PLCB1: variants seen among roughly 807,000 people sequenced by gnomAD.
PLCB1 encodes the protein phospholipase C beta 1.
PLCB1 carries 46 observed loss-of-function variants against 161.8 expected under a neutral mutation model. That is an observed-to-expected ratio of 0.28 (90% confidence interval 0.22 to 0.36). The LOEUF (loss-of-function observed/expected upper bound fraction) is 0.36. Among genes scored for constraint, PLCB1 ranks in the 10% least tolerant of loss-of-function variants. PLCB1 has a pLI of 1.00. For synonymous variants in PLCB1, 517 were observed against 503.7 expected (o/e 1.03, Z -0.35); for missense variants, 1,016 against 1,472.5 (o/e 0.69, Z 5.07).
At position 8,132,287 on chromosome 20, in the gene PLCB1, A is replaced by G. The variant is rs886588203; in HGVS notation, c.-365A>G. The G allele has an allele frequency of 2.4e-5, 4 of 166,704 alleles. No individual in the cohort carries two copies. Among genetic ancestry groups the G allele is most frequent in the Non-Finnish European group, 5.1e-5 (4 of 77,988 alleles). The allele number at this position is 166,704 out of a possible 1,614,324, so 10.3% of individuals were successfully genotyped here. ...TGTCACTCGCTCTCTCCCTCTGTGT[A>G]TAGAGGATGTGCTGAATGGTGCGCT... On this transcript the variant is annotated 5_prime_UTR_variant, in exon 1 of 32. Transcript: ENST00000338037. This position sits in a 1 kb window ranked among gnomAD's most constrained non-coding sequence, Gnocchi z 5.2.
At chr20:8,397,037 C>T (rs750955752) in intron 3 of PLCB1, among the ~76,000 whole-genome samples, 80 of 152,024 alleles carry the variant, frequency 5.3e-4, no homozygotes, top group Non-Finnish European at 7.9e-4. Context: ...AGTGAGATTA[C>T]AGATCCAAAT....
At chr20:8,338,932 T>A (rs1985693612) in intron 2 of PLCB1, among the ~76,000 whole-genome samples, 1 of 152,236 alleles carries the variant, frequency 6.6e-6, no homozygotes, top group African/African-American at 2.4e-5. Flanking sequence ...GCTTCTTTCG[T>A]GCAATGTAAT....
intron 2 of PLCB1, among the ~76,000 whole-genome samples, chr20:8,270,306 C>T (rs1474851338): frequency 6.6e-6 from 1 of 152,086 alleles, no homozygotes; most frequent in Non-Finnish European, 1.5e-5. Flanking sequence ...TTGCTAAGTA[C>T]ACAGTGTATT....
intron 2 of PLCB1, among the ~76,000 whole-genome samples, chr20:8,365,422 G>A (rs1986677643): frequency 6.6e-6 from 1 of 152,010 alleles, no homozygotes; most frequent in Admixed American, 6.6e-5. Context: ...TCTTACTGTG[G>A]GTCTCCACTG....
chr20:8,736,058 T>C (rs1016390910), intron 19 of PLCB1, among the ~76,000 whole-genome samples: 1 of 152,236 alleles, frequency 6.6e-6, no homozygotes, highest in South Asian at 2.1e-4. Flanking sequence ...GCCATAATGC[T>C]GTCCCCTTTT....
intron 23 of PLCB1, among the ~76,000 whole-genome samples, chr20:8,749,229 A>G (rs1455014296): frequency 6.6e-6 from 1 of 152,190 alleles, no homozygotes; most frequent in Non-Finnish European, 1.5e-5. Flanking sequence ...TTGCATCTCT[A>G]ACAATCTGCA....
chr20:8,483,898 A>G (rs890539861), intron 3 of PLCB1, among the ~76,000 whole-genome samples: 2 of 152,226 alleles, frequency 1.3e-5, no homozygotes, highest in African/African-American at 2.4e-5. Flanking sequence ...ATAGAAATAA[A>G]TTAGAAAATT....
chr20:8,609,485 G>A (rs1987845626), intron 3 of PLCB1, among the ~76,000 whole-genome samples: 1 of 152,174 alleles, frequency 6.6e-6, no homozygotes, highest in Non-Finnish European at 1.5e-5. Context: ...TGTTATGACT[G>A]CTGGCTCCAA....
chr20:8,363,657 A>T (rs1986614705), intron 2 of PLCB1, among the ~76,000 whole-genome samples: 1 of 152,136 alleles, frequency 6.6e-6, no homozygotes, highest in Non-Finnish European at 1.5e-5. Context: ...TGGTTAGAAG[A>T]CAGCTGCAGG....
chr20:8,190,432 G>A (rs1188006169), intron 2 of PLCB1, among the ~76,000 whole-genome samples: 1 of 152,066 alleles, frequency 6.6e-6, no homozygotes, highest in Admixed American at 6.6e-5. Flanking sequence ...TTTAAAGTTT[G>A]AAATGCCTTA....
chr20:8,150,830 A>C (rs2051501734), intron 2 of PLCB1, among the ~76,000 whole-genome samples: 1 of 152,180 alleles, frequency 6.6e-6, no homozygotes. Flanking sequence ...TTTGGCCCTG[A>C]TAATTTGTTG....
chr20:8,139,283 C>A (rs144469034), intron 1 of PLCB1, among the ~76,000 whole-genome samples: 4 of 151,572 alleles, frequency 2.6e-5, no homozygotes, highest in Non-Finnish European at 5.9e-5. Context: ...TTAGTAGAGA[C>A]GGGGGTTTTG....
At chr20:8,166,314 A>G (rs1181174873) in intron 2 of PLCB1, among the ~76,000 whole-genome samples, 2 of 152,188 alleles carry the variant, frequency 1.3e-5, no homozygotes, top group Non-Finnish European at 2.9e-5. Flanking sequence ...CATGCTGGCC[A>G]TCTTGAGCTC....
At chr20:8,185,222 T>A (rs970023560) in intron 2 of PLCB1, among the ~76,000 whole-genome samples, 5 of 152,316 alleles carry the variant, frequency 3.3e-5, no homozygotes, top group Admixed American at 3.3e-4. Context: ...GTGCTTAGCT[T>A]TTGACCCAAT....
intron 31 of PLCB1, among the ~76,000 whole-genome samples, chr20:8,816,669 C>G (rs913652993): frequency 6.6e-6 from 1 of 152,132 alleles, no homozygotes; most frequent in Non-Finnish European, 1.5e-5. Flanking sequence ...CATCTACATA[C>G]CAAACTTAAA....
At chr20:8,704,079 C>T (rs992216853) in intron 11 of PLCB1, among the ~76,000 whole-genome samples, 14 of 152,126 alleles carry the variant, frequency 9.2e-5, no homozygotes, top group South Asian at 2.1e-4. Flanking sequence ...GATGGCCAGG[C>T]GCAGTGGCTC....
At chr20:8,224,004 C>A (rs1049056828) in intron 2 of PLCB1, among the ~76,000 whole-genome samples, 2 of 152,182 alleles carry the variant, frequency 1.3e-5, no homozygotes, top group East Asian at 3.9e-4. Context: ...AAGTTGCATA[C>A]AGTTTCAAAT....
At chr20:8,706,166 T>C (rs1978659591) in intron 11 of PLCB1, among the ~76,000 whole-genome samples, 1 of 152,220 alleles carries the variant, frequency 6.6e-6, no homozygotes, top group Non-Finnish European at 1.5e-5. Flanking sequence ...ACATCTATGA[T>C]ATCACTGGAC....
chr20:8,465,982 C>A (rs1360659079), intron 3 of PLCB1, among the ~76,000 whole-genome samples: 3 of 147,332 alleles, frequency 2.0e-5, no homozygotes, highest in African/African-American at 7.6e-5. Flanking sequence ...GGGTATATAC[C>A]CAAAGGACTA....
Sources: allele counts gnomAD v4.1 joint callset (sites outside exome capture counted in the v4.1 genomes callset), GRCh38; gene constraint gnomAD v4.1.1; non-coding constraint Gnocchi (gnomAD v3.1); transcripts MANE v1.5; gene names NCBI Gene and HGNC (gene_info 2026-07-23, HGNC 2026-07-21).